CACNB2: variants seen among roughly 807,000 people sequenced by gnomAD.
CACNB2 encodes calcium voltage-gated channel auxiliary subunit beta 2.
In CACNB2, 42 loss-of-function variants were observed where a neutral mutation model predicts 73.3. That is an observed-to-expected ratio of 0.57 (90% confidence interval 0.45 to 0.74). CACNB2 has a LOEUF of 0.74. CACNB2 is among the 30% of genes least tolerant of loss of function. The probability of loss-of-function intolerance (pLI) is 0.00; values close to 1 mark genes in which losing one functional copy is unlikely to be tolerated. For synonymous variants in CACNB2, 348 were observed against 310.3 expected (o/e 1.12, Z -1.28); for missense variants, 940 against 853.0 (o/e 1.10, Z -1.27).
intron 2 of CACNB2, among the ~76,000 whole-genome samples, chr10:18,392,384 G>T (rs562022113): frequency 1.7e-3 from 252 of 152,290 alleles, no homozygotes; most frequent in African/African-American, 5.8e-3. Context: ...AGTAAGATGA[G>T]CACTGAGAAT....
chr10:18,357,092 G>C (rs924074680), intron 2 of CACNB2, among the ~76,000 whole-genome samples: 3 of 149,826 alleles, frequency 2.0e-5, no homozygotes, highest in African/African-American at 4.9e-5. Context: ...CTACAGGCGC[G>C]CACCACCATG....
chr10:18,143,070 A>T (rs776917720), intron 1 of CACNB2, among the ~76,000 whole-genome samples: 17 of 152,214 alleles, frequency 1.1e-4, no homozygotes, highest in Non-Finnish European at 1.9e-4. Flanking sequence ...TATCGTTTCT[A>T]GTTCAAAAAG....
At chr10:18,422,557 C>T (rs893033872) in intron 3 of CACNB2, among the ~76,000 whole-genome samples, 2 of 152,186 alleles carry the variant, frequency 1.3e-5, no homozygotes, top group African/African-American at 4.8e-5. Context: ...TCTCCTCACT[C>T]GTCACCTCCC....
chr10:18,190,165 G>C (rs1618660), intron 2 of CACNB2, among the ~76,000 whole-genome samples: 90,065 of 152,014 alleles, frequency 0.59, 27,621 homozygotes, highest in Non-Finnish European at 0.67. Context: ...CATCCTCTGC[G>C]TGCTCTCAAT....
intron 7 of CACNB2, among the ~76,000 whole-genome samples, chr10:18,517,766 C>T (rs1029427161): frequency 2.6e-4 from 40 of 152,054 alleles, no homozygotes; most frequent in African/African-American, 9.7e-4. Context: ...TAAACTCTCA[C>T]AATAATATAG....
At chr10:18,187,925 G>A (rs1488027745) in intron 2 of CACNB2, among the ~76,000 whole-genome samples, 1 of 152,134 alleles carries the variant, frequency 6.6e-6, no homozygotes, top group Admixed American at 6.5e-5. Flanking sequence ...TTAAATGAAG[G>A]GCTGACAACA....
intron 2 of CACNB2, among the ~76,000 whole-genome samples, chr10:18,152,593 C>G (rs926967259): frequency 1.3e-5 from 2 of 151,284 alleles, no homozygotes; most frequent in Non-Finnish European, 2.9e-5. Context: ...GGAAAGTTAC[C>G]CATCGCCTTT....
At chr10:18,449,903 G>T (rs1222771534) in intron 3 of CACNB2, among the ~76,000 whole-genome samples, 3 of 152,190 alleles carry the variant, frequency 2.0e-5, no homozygotes, top group African/African-American at 7.2e-5. Flanking sequence ...CCAGTGTTGA[G>T]AACAAGAGGT....
intron 2 of CACNB2, among the ~76,000 whole-genome samples, chr10:18,362,426 T>A (rs2132227660): frequency 6.6e-6 from 1 of 152,346 alleles, no homozygotes; most frequent in African/African-American, 2.4e-5. Flanking sequence ...ATTCTTTACA[T>A]TGTGTGATTA....
intron 2 of CACNB2, among the ~76,000 whole-genome samples, chr10:18,238,148 G>T (rs1167974353): frequency 6.6e-6 from 1 of 152,094 alleles, no homozygotes; most frequent in Non-Finnish European, 1.5e-5. Flanking sequence ...TTTGGCATGT[G>T]GTTTTATAAC....
chr10:18,463,570 A>G (rs924680596), intron 3 of CACNB2, among the ~76,000 whole-genome samples: 4 of 147,896 alleles, frequency 2.7e-5, no homozygotes, highest in Admixed American at 1.4e-4. Context: ...GCACGCCACA[A>G]TGCCCTGCTA....
intron 2 of CACNB2, among the ~76,000 whole-genome samples, chr10:18,364,810 C>T (rs1361025194): frequency 6.6e-6 from 1 of 152,152 alleles, no homozygotes; most frequent in African/African-American, 2.4e-5. Flanking sequence ...GCCAAAATGT[C>T]ATTTTCCATG....
chr10:18,536,275 G>GTTTTTTTTTTTTTTTTTTTTTTT lies in CACNB2; in HGVS notation c.1302+79_1302+80insTTTTTTTTTTTTTTTTTTTTTTT, dbSNP rs2053587888. The GTTTTTTTTTTTTTTTTTTTTTTT allele has an allele frequency of 8.4e-4, 78 of 92,506 alleles. 19 individuals carry two copies. The highest frequency in any genetic ancestry group is 2.5e-3 in the Middle Eastern group (1 of 402). 5.7% of individuals were successfully genotyped at this position (92,506 alleles called of 1,614,324 possible). A position where few individuals can be genotyped will look rare whatever the true frequency, so the allele number is the denominator to read the frequency against. The stretch of plus-strand genomic sequence containing the variant: ...TTTTTTTTTTTTTTTTTTTTTTTTG[G>GTTTTTTTTTTTTTTTTTTTTTTT]GGGACAAGGTCTTGCTCTGTTGCCC... On this transcript the variant is annotated intron_variant, in intron 12 of 13. Transcript: ENST00000324631.
chr10:18,340,259 G>A (rs1253698222), intron 2 of CACNB2, among the ~76,000 whole-genome samples: 1 of 151,972 alleles, frequency 6.6e-6, no homozygotes, highest in Non-Finnish European at 1.5e-5. Flanking sequence ...ATATAAAGAA[G>A]TTTTTAATTT....
At chr10:18,422,166 C>T (rs922887295) in intron 3 of CACNB2, among the ~76,000 whole-genome samples, 3 of 152,160 alleles carry the variant, frequency 2.0e-5, no homozygotes, top group South Asian at 2.1e-4. Context: ...TTGGTTTGGT[C>T]GCCTGCCTTA....
chr10:18,459,049 G>A (rs184540492), intron 3 of CACNB2, among the ~76,000 whole-genome samples: 2 of 152,300 alleles, frequency 1.3e-5, no homozygotes, highest in Non-Finnish European at 2.9e-5. Context: ...ACAGGCGCGA[G>A]CCACTGCACC....
chr10:18,143,617 A>G (rs145701793), intron 1 of CACNB2, among the ~76,000 whole-genome samples: 1 of 152,310 alleles, frequency 6.6e-6, no homozygotes, highest in Non-Finnish European at 1.5e-5. Flanking sequence ...TGTTTATTTT[A>G]TATCTGATAA....
intron 6 of CACNB2, among the ~76,000 whole-genome samples, chr10:18,512,600 G>T (rs1330908040): frequency 6.6e-6 from 1 of 152,120 alleles, no homozygotes; most frequent in East Asian, 1.9e-4. Context: ...TCGGACCATG[G>T]ATTTTAAATG....
At chr10:18,429,783 A>C (rs2045788027) in intron 3 of CACNB2, among the ~76,000 whole-genome samples, 1 of 143,396 alleles carries the variant, frequency 7.0e-6, no homozygotes, top group Non-Finnish European at 1.5e-5. Flanking sequence ...CAGCTTGGGC[A>C]ACATAGCAAG....
Sources: gnomAD v4.1 joint callset for allele counts (sites outside exome capture counted in the v4.1 genomes callset) on GRCh38, gnomAD v4.1.1 for gene constraint, MANE v1.5 for transcripts, NCBI Gene and HGNC (gene_info 2026-07-23, HGNC 2026-07-21) for gene names.